CEP112: variants seen among roughly 807,000 people sequenced by gnomAD.
The protein encoded by CEP112 is centrosomal protein 112, also known as centrosomal protein of 112 kDa.
A neutral mutation model predicts 153.0 loss-of-function variants in CEP112; 127 were observed. That is an observed-to-expected ratio of 0.83 (90% CI 0.72 to 0.96). CEP112 has a LOEUF of 0.96. CEP112 is among the 40% of genes least tolerant of loss of function. The pLI, the probability that CEP112 is intolerant of heterozygous loss-of-function variation, is 0.00. For missense variants in CEP112, 1,089 were observed against 1,101.2 expected, an observed-to-expected ratio of 0.99 and a Z score of 0.16; for synonymous variants, 358 against 374.4, an observed-to-expected ratio of 0.96 and a Z score of 0.51.
At chr17:65,883,110 C>T (rs577306895) in intron 20 of CEP112, among the ~76,000 whole-genome samples, 40 of 151,976 alleles carry the variant, frequency 2.6e-4, no homozygotes, top group African/African-American at 9.2e-4. Flanking sequence ...GTGGAACAAA[C>T]AAATAGAATA....
chr17:66,035,005 TATA>T (rs1568411543), intron 12 of CEP112, among the ~76,000 whole-genome samples: 79 of 114,442 alleles, frequency 6.9e-4, no homozygotes, highest in Non-Finnish European at 1.0e-3. Context: ...TATATATATA[TATA>T]TTTTTTTTTT....
At chr17:65,700,352 G>A (rs1478838052) in intron 23 of CEP112, among the ~76,000 whole-genome samples, 1 of 152,174 alleles carries the variant, frequency 6.6e-6, no homozygotes, top group Admixed American at 6.5e-5. Context: ...CATGAGCACT[G>A]CTAAAAAGAA....
chr17:65,966,711 G>C (rs1489802704), intron 17 of CEP112, among the ~76,000 whole-genome samples: 1 of 152,210 alleles, frequency 6.6e-6, no homozygotes, highest in Non-Finnish European at 1.5e-5. Flanking sequence ...TCATAAGCAT[G>C]ACAGATGAAT....
At chr17:66,080,553 C>T (rs999112744) in intron 8 of CEP112, among the ~76,000 whole-genome samples, 17 of 152,150 alleles carry the variant, frequency 1.1e-4, no homozygotes, top group Non-Finnish European at 2.2e-4. Context: ...GACACTTTTA[C>T]GCTGTTGGTG....
At chr17:65,645,889 G>T (rs2045403521) in intron 24 of CEP112, among the ~76,000 whole-genome samples, 1 of 152,166 alleles carries the variant, frequency 6.6e-6, no homozygotes, top group African/African-American at 2.4e-5. Context: ...AGGTGTGGTG[G>T]GGGCAGCTGG....
At chr17:66,044,014 C>T (rs79973219) in intron 12 of CEP112, among the ~76,000 whole-genome samples, 7,734 of 152,182 alleles carry the variant, frequency 0.051, 246 homozygotes, top group Non-Finnish European at 0.069. Context: ...TTCAATCCTG[C>T]TGACAGACTC....
chr17:65,905,305 C>T (rs951469864), intron 19 of CEP112, among the ~76,000 whole-genome samples: 11 of 152,142 alleles, frequency 7.2e-5, no homozygotes, highest in African/African-American at 2.7e-4. Flanking sequence ...TGAACAGACA[C>T]TTCTCAAAAA....
intron 18 of CEP112, among the ~76,000 whole-genome samples, chr17:65,937,619 G>C (rs1303174495): frequency 1.0e-5 from 1 of 97,366 alleles, no homozygotes; most frequent in African/African-American, 3.5e-5. Context: ...AGGGAGGTGG[G>C]GGGGTCAGCC....
chr17:66,079,421 C>G (rs1224947746), intron 8 of CEP112, among the ~76,000 whole-genome samples: 1 of 152,110 alleles, frequency 6.6e-6, no homozygotes, highest in Non-Finnish European at 1.5e-5. Context: ...AAACCTATTA[C>G]AACTATATGG....
rs966921669 is a variant in CEP112, at chr17:65,997,471, T to G, written c.1736+8219A>C. ...CTATTTCCAGAAACCTGGTTTACACTCTGCTCCACTCCTTACTGGCTTAAG... is the reference window on the plus strand; with the variant it reads ...CTATTTCCAGAAACCTGGTTTACACGCTGCTCCACTCCTTACTGGCTTAAG... On this transcript the variant is annotated intron_variant, in intron 17 of 26. Coordinates refer to ENST00000535342, the MANE Select transcript of CEP112 (RefSeq NM_001199165.4). Among the ~76,000 whole-genome samples the G allele has an allele frequency of 2.0e-5, 3 of 152,270 alleles. No individual in the cohort carries two copies. The East Asian group carries it at 5.8e-4, about 29-fold the overall frequency.
chr17:65,693,446 T>C (rs914658106), intron 23 of CEP112, among the ~76,000 whole-genome samples: 1 of 126,680 alleles, frequency 7.9e-6, no homozygotes, highest in African/African-American at 3.1e-5. Flanking sequence ...CTCAGTGAAG[T>C]CAAGGGATTA....
chr17:65,863,187 C>T (rs533311807), intron 20 of CEP112, among the ~76,000 whole-genome samples: 14 of 152,178 alleles, frequency 9.2e-5, no homozygotes, highest in South Asian at 4.1e-4. Flanking sequence ...TTTTAATTTA[C>T]GGTCTTTTAG....
intron 20 of CEP112, among the ~76,000 whole-genome samples, chr17:65,867,269 C>T (rs770134102): frequency 1.3e-5 from 2 of 152,178 alleles, no homozygotes; most frequent in African/African-American, 4.8e-5. Flanking sequence ...ACCCCATGCT[C>T]GCTCACATAC....
At chr17:65,757,703 T>C (rs1415445993) in intron 21 of CEP112, among the ~76,000 whole-genome samples, 1 of 152,162 alleles carries the variant, frequency 6.6e-6, no homozygotes, top group Non-Finnish European at 1.5e-5. Flanking sequence ...TCAGTGTAAA[T>C]CATAGCTGCC....
At chr17:65,936,951 G>A (rs766016740) in intron 18 of CEP112, among the ~76,000 whole-genome samples, 2 of 151,128 alleles carry the variant, frequency 1.3e-5, no homozygotes, top group Non-Finnish European at 2.9e-5. Flanking sequence ...GAGTGCCTGC[G>A]ATTGCAGGCG....
At chr17:65,951,551 A>C (rs999410870) in intron 18 of CEP112, among the ~76,000 whole-genome samples, 1 of 152,132 alleles carries the variant, frequency 6.6e-6, no homozygotes, top group Non-Finnish European at 1.5e-5. Context: ...TTCATTTTCT[A>C]GAAAATCAAT....
intron 17 of CEP112, among the ~76,000 whole-genome samples, chr17:65,969,670 T>A: frequency 6.6e-6 from 1 of 152,234 alleles, no homozygotes; most frequent in Admixed American, 6.5e-5. Flanking sequence ...ACACTGCATA[T>A]TGCATGCATG....
intron 23 of CEP112, among the ~76,000 whole-genome samples, chr17:65,705,877 G>C (rs1354679112): frequency 6.6e-6 from 1 of 152,236 alleles, no homozygotes; most frequent in African/African-American, 2.4e-5. Context: ...ATTGTTCACT[G>C]TCTTAGGTAT....
intron 18 of CEP112, among the ~76,000 whole-genome samples, chr17:65,935,818 C>A (rs1396779739): frequency 6.6e-6 from 1 of 151,140 alleles, no homozygotes; most frequent in Non-Finnish European, 1.5e-5. Flanking sequence ...AACCTCAAAT[C>A]AACAACCTAA....
Sources: allele counts gnomAD v4.1 joint callset (sites outside exome capture counted in the v4.1 genomes callset), GRCh38; gene constraint gnomAD v4.1.1; transcripts MANE v1.5; gene names NCBI Gene and HGNC (gene_info 2026-07-23, HGNC 2026-07-21).